The following GPR15LG variants were observed in gnomAD, a reference collection of about 807,000 sequenced individuals.
The protein encoded by GPR15LG is G protein-coupled receptor 15 ligand.
chr10:84,175,458 G>A, the GPR15LG span, among the ~76,000 whole-genome samples: 77 of 152,304 alleles, frequency 5.1e-4, no homozygotes, highest in African/African-American at 1.8e-3. Flanking sequence ...ACAAGTGAAC[G>A]TACTATGATG....
the GPR15LG span, among the ~76,000 whole-genome samples, chr10:84,182,408 T>C: frequency 1.3e-5 from 2 of 152,224 alleles, no homozygotes; most frequent in Non-Finnish European, 2.9e-5. Flanking sequence ...GTCAGCTGGA[T>C]ATTTCTTCTA....
the GPR15LG span, among the ~76,000 whole-genome samples, chr10:84,177,590 G>A: frequency 1.3e-5 from 2 of 152,218 alleles, no homozygotes; most frequent in South Asian, 2.1e-4. Context: ...GGGATAGAGG[G>A]AGGAAGCAAG....
the GPR15LG span, among the ~76,000 whole-genome samples, chr10:84,180,799 T>C: frequency 2.0e-5 from 3 of 152,188 alleles, no homozygotes; most frequent in Non-Finnish European, 4.4e-5. Context: ...TGGGCAACAT[T>C]GAGCACTGAG....
the GPR15LG span, among the ~76,000 whole-genome samples, chr10:84,183,000 G>A: frequency 2.6e-5 from 4 of 151,350 alleles, no homozygotes; most frequent in South Asian, 8.3e-4. Context: ...TTATCACTAT[G>A]GGAAGATCAA....
chr10:84,174,534 C>T, the GPR15LG span, among the ~76,000 whole-genome samples: 1 of 143,824 alleles, frequency 7.0e-6, no homozygotes, highest in Non-Finnish European at 1.5e-5. Flanking sequence ...TGCTCTGTCA[C>T]CCAGGCTGGA....
chr10:84,176,371 C>A, the GPR15LG span: 9 of 803,706 alleles, frequency 1.1e-5, no homozygotes, highest in African/African-American at 1.3e-4. Context: ...CCTGGCTCAT[C>A]CTGAGTTTCT....
chr10:84,176,913 C>T, the GPR15LG span, among the ~76,000 whole-genome samples: 2 of 152,036 alleles, frequency 1.3e-5, no homozygotes, highest in African/African-American at 2.4e-5. Flanking sequence ...GTGGGGGATG[C>T]AGGCAGAGGA....
the GPR15LG span, chr10:84,185,161 A>G: frequency 1.1e-6 from 1 of 892,832 alleles, no homozygotes. Flanking sequence ...AGGTCCATTC[A>G]GCCTCCTGGC....
the GPR15LG span, among the ~76,000 whole-genome samples, chr10:84,181,208 G>C: frequency 1.3e-5 from 2 of 149,316 alleles, no homozygotes; most frequent in Non-Finnish European, 3.0e-5. Flanking sequence ...AGAGGGAGAG[G>C]GAGAGGGAGA....
At chr10:84,181,217 G>A in the GPR15LG span, among the ~76,000 whole-genome samples, 13 of 134,112 alleles carry the variant, frequency 9.7e-5, no homozygotes, top group Non-Finnish European at 1.6e-4. Context: ...GGGAGAGGGA[G>A]AAGGGCTTTT....
chr10:84,182,263 A>G, the GPR15LG span, among the ~76,000 whole-genome samples: 1 of 152,216 alleles, frequency 6.6e-6, no homozygotes, highest in African/African-American at 2.4e-5. Flanking sequence ...CATCCTTCCC[A>G]GTGGCTCAGT....
the GPR15LG span, among the ~76,000 whole-genome samples, chr10:84,177,682 AG>A: frequency 6.6e-6 from 1 of 152,188 alleles, no homozygotes; most frequent in East Asian, 1.9e-4. Flanking sequence ...CCAGCCGGCC[AG>A]GATAAAAATA....
At chr10:84,174,112 T>C in the GPR15LG span, among the ~76,000 whole-genome samples, 1 of 151,936 alleles carries the variant, frequency 6.6e-6, no homozygotes, top group Non-Finnish European at 1.5e-5. Flanking sequence ...GGCTTGGGGG[T>C]TCCATTCACA....
the GPR15LG span, among the ~76,000 whole-genome samples, chr10:84,179,844 AT>A: frequency 1.3e-5 from 2 of 149,730 alleles, no homozygotes; most frequent in Non-Finnish European, 3.0e-5. Flanking sequence ...GATTTGCTGA[AT>A]TTATTACATT....
At chr10:84,177,163 G>A in the GPR15LG span, among the ~76,000 whole-genome samples, 1 of 152,186 alleles carries the variant, frequency 6.6e-6, no homozygotes, top group Non-Finnish European at 1.5e-5. Flanking sequence ...TGACCAGAAC[G>A]AGGCCCAGAA....
chr10:84,182,494 G>T, the GPR15LG span, among the ~76,000 whole-genome samples: 14 of 152,132 alleles, frequency 9.2e-5, no homozygotes, highest in Non-Finnish European at 4.4e-5. Flanking sequence ...TCATATTTTT[G>T]ATGTCTGTGA....
the GPR15LG span, chr10:84,184,537 G>C: frequency 5.8e-5 from 50 of 857,098 alleles, no homozygotes; most frequent in Non-Finnish European, 8.8e-5. Context: ...AAAAGCATAA[G>C]ATCTAATTCT....
chr10:84,184,881 G>A, the GPR15LG span: 2 of 1,520,308 alleles, frequency 1.3e-6, no homozygotes, highest in South Asian at 1.2e-5. Flanking sequence ...AATGTTGGAG[G>A]GCTTCATCTC....
the GPR15LG span, chr10:84,184,985 C>T: frequency 7.2e-7 from 1 of 1,389,362 alleles, no homozygotes; most frequent in Non-Finnish European, 9.3e-7. Context: ...AACCTCACCC[C>T]ACAGGGCCTC....
Sources: gnomAD v4.1 joint callset for allele counts (sites outside exome capture counted in the v4.1 genomes callset) on GRCh38, gnomAD v4.1.1 for gene constraint, MANE v1.5 for transcripts, NCBI Gene and HGNC (gene_info 2026-07-23, HGNC 2026-07-21) for gene names.